Variants in DLGAP2 observed in about 807,000 individuals in gnomAD.
DLGAP2 encodes the protein disks large-associated protein 2.
A neutral mutation model predicts 100.3 loss-of-function variants in DLGAP2; 26 were observed. That is an observed-to-expected ratio of 0.26 (90% CI 0.19 to 0.36). DLGAP2 has a LOEUF of 0.36. DLGAP2 is among the 10% of genes least tolerant of loss of function. DLGAP2 has a pLI of 1.00. For synonymous variants in DLGAP2, 886 were observed against 630.1 expected, an observed-to-expected ratio of 1.41 and a Z score of -6.08; for missense variants, 1,858 against 1,453.2, an observed-to-expected ratio of 1.28 and a Z score of -4.53.
chr8:1,011,670 G>C (rs1801291101), intron 2 of DLGAP2, among the ~76,000 whole-genome samples: 1 of 150,418 alleles, frequency 6.6e-6, no homozygotes, highest in Non-Finnish European at 1.5e-5. Context: ...CTGGAATGAG[G>C]AGTCTCAGTC....
chr8:984,331 T>C (rs1800426663), intron 2 of DLGAP2, among the ~76,000 whole-genome samples: 1 of 152,210 alleles, frequency 6.6e-6, no homozygotes, highest in African/African-American at 2.4e-5. Context: ...GAAATCCCAG[T>C]GCATGCCTTT....
intron 2 of DLGAP2, among the ~76,000 whole-genome samples, chr8:920,621 C>T (rs1158720552): frequency 6.6e-6 from 1 of 151,862 alleles, no homozygotes; most frequent in Non-Finnish European, 1.5e-5. Context: ...TGTGGTGGTG[C>T]CCGCCTGTAG....
At chr8:1,561,469 G>T (rs369340806) in intron 5 of DLGAP2, among the ~76,000 whole-genome samples, 1 of 152,192 alleles carries the variant, frequency 6.6e-6, no homozygotes, top group Admixed American at 6.5e-5. Context: ...CTTGTCCTGA[G>T]CCTTTGGGCC....
intron 3 of DLGAP2, among the ~76,000 whole-genome samples, chr8:1,438,684 G>C (rs1797728815): frequency 6.6e-6 from 1 of 152,176 alleles, no homozygotes; most frequent in Non-Finnish European, 1.5e-5. Context: ...GGCAGGATTT[G>C]ATCTATCACA....
intron 2 of DLGAP2, among the ~76,000 whole-genome samples, chr8:1,111,217 T>A (rs1727037211): frequency 6.6e-6 from 1 of 152,146 alleles, no homozygotes; most frequent in Non-Finnish European, 1.5e-5. Flanking sequence ...GGTGGCTTAG[T>A]GTCCGACTTG....
At chr8:1,113,134 A>G (rs890078348) in intron 2 of DLGAP2, among the ~76,000 whole-genome samples, 4 of 152,106 alleles carry the variant, frequency 2.6e-5, no homozygotes, top group Admixed American at 2.0e-4. Flanking sequence ...GTTGGATAAT[A>G]TGATGCCTCC....
At position 1,448,466 on chromosome 8, in the gene DLGAP2, T is replaced by G. The variant is rs375874973; in HGVS notation, c.107-52900T>G. 1.1e-3 allele frequency among the ~76,000 whole-genome samples: 161 copies of G among 152,326 alleles called. 1 individual carries two copies. Among genetic ancestry groups the G allele is most frequent in the African/African-American group, 3.7e-3 (154 of 41,566 alleles). Reference sequence around the variant, plus strand: ...GGTCTGAGAGACAGTTTGTTATAATTTCTGTTCTTTTACATTTGCTGAGGA... The same window carrying G: ...GGTCTGAGAGACAGTTTGTTATAATGTCTGTTCTTTTACATTTGCTGAGGA... On this transcript the variant is annotated intron_variant, in intron 3 of 14. Transcript: ENST00000637795.
intron 2 of DLGAP2, among the ~76,000 whole-genome samples, chr8:1,026,462 G>A (rs1341995385): frequency 2.6e-5 from 4 of 152,172 alleles, no homozygotes. Context: ...CCGGCTGCAC[G>A]TGCCTGCTCC....
At chr8:1,316,403 T>C (rs566844434) in intron 3 of DLGAP2, among the ~76,000 whole-genome samples, 1 of 139,876 alleles carries the variant, frequency 7.1e-6, no homozygotes, top group South Asian at 2.3e-4. Context: ...CTTTTAAAAA[T>C]AGAGCGTGTG....
At chr8:1,219,645 G>A (rs1798279000) in intron 2 of DLGAP2, among the ~76,000 whole-genome samples, 1 of 152,154 alleles carries the variant, frequency 6.6e-6, no homozygotes, top group Admixed American at 6.5e-5. Flanking sequence ...GAGTTAGGGA[G>A]AAGTCCCTCC....
At chr8:1,051,152 G>C (rs1390681947) in intron 2 of DLGAP2, among the ~76,000 whole-genome samples, 1 of 152,026 alleles carries the variant, frequency 6.6e-6, no homozygotes, top group African/African-American at 2.4e-5. Flanking sequence ...CAGGGCACAA[G>C]GGGAGCAGCT....
chr8:933,088 C>A (rs750472007), intron 2 of DLGAP2, among the ~76,000 whole-genome samples: 2 of 152,212 alleles, frequency 1.3e-5, no homozygotes, highest in Admixed American at 6.5e-5. Flanking sequence ...CGATCCTGTC[C>A]CCGTCCGTTC....
At chr8:1,194,770 C>T (rs1158666150) in intron 2 of DLGAP2, among the ~76,000 whole-genome samples, 1 of 152,194 alleles carries the variant, frequency 6.6e-6, no homozygotes, top group Non-Finnish European at 1.5e-5. Context: ...AAGTTTGGAA[C>T]CCTCTGTTCC....
chr8:1,345,944 C>T (rs1801544689), intron 3 of DLGAP2, among the ~76,000 whole-genome samples: 1 of 152,226 alleles, frequency 6.6e-6, no homozygotes, highest in Non-Finnish European at 1.5e-5. Flanking sequence ...CAAGGCAGCG[C>T]TTAACTTCCG....
At chr8:946,946 C>G (rs1037631134) in intron 2 of DLGAP2, among the ~76,000 whole-genome samples, 1 of 152,306 alleles carries the variant, frequency 6.6e-6, no homozygotes, top group East Asian at 1.9e-4. Flanking sequence ...GCCGGGGTTG[C>G]GCACCGGGCG....
At chr8:1,179,343 G>C (rs1326585933) in intron 2 of DLGAP2, among the ~76,000 whole-genome samples, 1 of 152,242 alleles carries the variant, frequency 6.6e-6, no homozygotes. Context: ...CCAGGCACCA[G>C]CTGAGGCTGT....
At chr8:1,126,609 G>A (rs1053186620) in intron 2 of DLGAP2, among the ~76,000 whole-genome samples, 1 of 152,134 alleles carries the variant, frequency 6.6e-6, no homozygotes, top group African/African-American at 2.4e-5. Context: ...GCTGCTGAGG[G>A]CTTTCAGTAG....
At chr8:747,433 A>C (rs1290286684) in intron 1 of DLGAP2, among the ~76,000 whole-genome samples, 1 of 151,520 alleles carries the variant, frequency 6.6e-6, no homozygotes, top group Non-Finnish European at 1.5e-5. Flanking sequence ...AAGTTCCAGA[A>C]ACAAGCTCTG....
intron 2 of DLGAP2, among the ~76,000 whole-genome samples, chr8:1,017,912 G>T (rs1020775742): frequency 1.2e-4 from 19 of 152,314 alleles, no homozygotes; most frequent in Admixed American, 9.8e-4. Flanking sequence ...AGTTTGATTG[G>T]ACACAGCCAC....
Sources: allele counts gnomAD v4.1 joint callset (sites outside exome capture counted in the v4.1 genomes callset), GRCh38; gene constraint gnomAD v4.1.1; transcripts MANE v1.5; gene names NCBI Gene and HGNC (gene_info 2026-07-23, HGNC 2026-07-21).